Variants in SPATS2L observed in about 807,000 individuals in gnomAD.
SPATS2L encodes spermatogenesis associated serine rich 2 like, also known as SPATS2-like protein.
In SPATS2L, 30 loss-of-function variants were observed where a neutral mutation model predicts 59.6. That is an observed-to-expected ratio of 0.50 (90% confidence interval 0.38 to 0.68). The LOEUF is 0.68. SPATS2L is among the 30% of genes least tolerant of loss of function. The pLI, the probability that SPATS2L is intolerant of heterozygous loss-of-function variation, is 0.00. For missense variants in SPATS2L, 615 were observed against 700.0 expected (o/e 0.88, Z 1.37); for synonymous variants, 252 against 263.5 (o/e 0.96, Z 0.42).
intron 2 of SPATS2L, among the ~76,000 whole-genome samples, chr2:200,360,510 G>A (rs1214696055): frequency 6.6e-6 from 1 of 152,220 alleles, no homozygotes; most frequent in African/African-American, 2.4e-5. Context: ...ATGGCCAAGA[G>A]CAGGTGGAAA....
At chr2:200,347,918 T>C (rs893923098) in intron 2 of SPATS2L, among the ~76,000 whole-genome samples, 9 of 152,192 alleles carry the variant, frequency 5.9e-5, no homozygotes, top group Non-Finnish European at 1.0e-4. Context: ...TTTTCCTGAG[T>C]AATATCTTAT....
intron 3 of SPATS2L, among the ~76,000 whole-genome samples, chr2:200,400,465 GA>G (rs2082490366): frequency 6.6e-6 from 1 of 152,142 alleles, no homozygotes; most frequent in Non-Finnish European, 1.5e-5. Context: ...TTTAAACGTA[GA>G]TCAAAGAGAC....
rs559268245 is a variant in SPATS2L, at chr2:200,479,436, G to T, written c.*1405G>T. 2.5e-6 allele frequency: 1 copy of T among 397,630 alleles called. No individual in the cohort carries two copies. The highest frequency in any genetic ancestry group is 4.4e-6 in the Non-Finnish European group (1 of 225,958). The allele number at this position is 397,630 out of a possible 1,614,324, so 24.6% of individuals were successfully genotyped here. ...CCTGTCTCTTAAACCAATCATGAAA[G>T]GGGGGAGAGAAGTGAATGGGATGAA... On this transcript the variant is annotated 3_prime_UTR_variant, in exon 13 of 13. Transcript: ENST00000409140.
At chr2:200,439,762 C>T (rs1264996942) in intron 7 of SPATS2L, among the ~76,000 whole-genome samples, 1 of 152,136 alleles carries the variant, frequency 6.6e-6, no homozygotes, top group Admixed American at 6.6e-5. Flanking sequence ...TATGGTCTTC[C>T]CAATGTAAAT....
intron 6 of SPATS2L, among the ~76,000 whole-genome samples, chr2:200,436,804 G>A (rs2084327639): frequency 1.3e-5 from 2 of 152,092 alleles, no homozygotes; most frequent in African/African-American, 4.8e-5. Flanking sequence ...TGGTTTGAAT[G>A]TTTGTCCCCT....
intron 2 of SPATS2L, among the ~76,000 whole-genome samples, chr2:200,341,968 G>A (rs916007859): frequency 1.3e-5 from 2 of 152,146 alleles, no homozygotes; most frequent in Non-Finnish European, 2.9e-5. Context: ...GATTACAGGC[G>A]TGAGCCACCG....
At chr2:200,326,838 G>A (rs1018924707) in intron 1 of SPATS2L, among the ~76,000 whole-genome samples, 2 of 150,566 alleles carry the variant, frequency 1.3e-5, no homozygotes, top group African/African-American at 2.4e-5. Flanking sequence ...CAGTTCAAGC[G>A]ATTCTCCTGC....
intron 2 of SPATS2L, among the ~76,000 whole-genome samples, chr2:200,366,976 C>T (rs528958396): frequency 3.9e-5 from 6 of 152,228 alleles, no homozygotes; most frequent in Admixed American, 2.0e-4. Flanking sequence ...AAAATTTGCT[C>T]AACATTTGCT....
intron 3 of SPATS2L, among the ~76,000 whole-genome samples, chr2:200,397,751 G>T (rs981439808): frequency 1.3e-5 from 2 of 152,002 alleles, no homozygotes; most frequent in African/African-American, 4.8e-5. Context: ...AACTCATAGG[G>T]AGGAAGAAGG....
At chr2:200,474,751 TAGGTAATGGCTC>T (rs1006820814) in intron 12 of SPATS2L, among the ~76,000 whole-genome samples, 48 of 152,336 alleles carry the variant, frequency 3.2e-4, no homozygotes, top group African/African-American at 1.2e-3. Context: ...TTTAGCAGTT[TAGGTAATGGCTC>T]ATTTAAGTTG....
At chr2:200,463,378 A>G (rs2086376556) in intron 9 of SPATS2L, 1 of 152,250 alleles carries the variant, frequency 6.6e-6, no homozygotes, top group South Asian at 2.1e-4. Flanking sequence ...CAGGTACTTC[A>G]TAAATATTTG....
At chr2:200,334,298 A>G (rs564015451) in intron 2 of SPATS2L, among the ~76,000 whole-genome samples, 54 of 152,330 alleles carry the variant, frequency 3.5e-4, no homozygotes, top group Non-Finnish European at 6.6e-4. Flanking sequence ...TTGGCTACAT[A>G]AATGTCTTCT....
intron 9 of SPATS2L, among the ~76,000 whole-genome samples, chr2:200,463,561 G>A (rs1171011090): frequency 6.6e-6 from 1 of 152,140 alleles, no homozygotes; most frequent in African/African-American, 2.4e-5. Flanking sequence ...CCTCATGTAT[G>A]TTATTCCATT....
intron 6 of SPATS2L, among the ~76,000 whole-genome samples, chr2:200,423,168 T>C (rs2106023768): frequency 6.6e-6 from 1 of 152,220 alleles, no homozygotes; most frequent in East Asian, 1.9e-4. Flanking sequence ...AATTTTCTGT[T>C]TGCTATGTTT....
intron 1 of SPATS2L, among the ~76,000 whole-genome samples, chr2:200,317,324 A>G (rs1281357179): frequency 1.3e-5 from 2 of 152,238 alleles, no homozygotes; most frequent in African/African-American, 2.4e-5. Context: ...TTTCTCATGT[A>G]TGAAGCAAAG....
In SPATS2L at chr2:200,470,001, A is replaced by G. The variant is rs539111533; in HGVS notation, c.1045A>G (p.Met349Val). ...CDIEQLKAQI[M>V]LCGEITHPKN... ...CATCGAACAGCTGAAGGCCCAAATC[A>G]TGCTCTGCGGAGAAAGTGAGTTTTG... is the stretch of plus-strand genomic sequence containing the variant. Residue 349 changes from methionine to valine, a missense_variant, in exon 11 of 13, where the codon ATG (methionine) becomes GTG (valine). Met to Val is a conservative substitution (Grantham distance 21). Around this residue, in one of 3 missense-constraint regions of SPATS2L, gnomAD observed 284 missense variants for 280.1 expected, o/e 1.01. Coordinates refer to ENST00000409140, the MANE Select transcript of SPATS2L (RefSeq NM_001100423.2). 3 of 1,610,180 alleles carry G rather than the reference A, an allele frequency of 1.9e-6. No individual in the cohort carries two copies. Among genetic ancestry groups the G allele is most frequent in the East Asian group, 2.2e-5 (1 of 44,804 alleles).
intron 1 of SPATS2L, among the ~76,000 whole-genome samples, chr2:200,309,809 G>T (rs2079137898): frequency 6.6e-6 from 1 of 152,118 alleles, no homozygotes; most frequent in Non-Finnish European, 1.5e-5. Flanking sequence ...CTATGAAGGT[G>T]TTATGTCTTT....
intron 3 of SPATS2L, among the ~76,000 whole-genome samples, chr2:200,406,791 C>T (rs2082702510): frequency 6.6e-6 from 1 of 152,180 alleles, no homozygotes; most frequent in Non-Finnish European, 1.5e-5. Flanking sequence ...TGTATCCAGC[C>T]TCTAGTGCAG....
chr2:200,417,124 C>T (rs2083095878), intron 5 of SPATS2L, among the ~76,000 whole-genome samples: 2 of 152,152 alleles, frequency 1.3e-5, no homozygotes, highest in African/African-American at 4.8e-5. Flanking sequence ...GTAACTGTTC[C>T]ACTCATTCCT....
Sources: gnomAD v4.1 joint callset for allele counts (sites outside exome capture counted in the v4.1 genomes callset) on GRCh38, gnomAD v4.1.1 for gene constraint, gnomAD v4.1.1 regional missense constraint, MANE v1.5 for transcripts, NCBI Gene and HGNC (gene_info 2026-07-23, HGNC 2026-07-21) for gene names.